The following CHRNB4 variants were observed in gnomAD, a reference collection of about 807,000 sequenced individuals.
CHRNB4 encodes the protein neuronal acetylcholine receptor subunit beta-4.
In CHRNB4, 23 loss-of-function variants were observed where a neutral mutation model predicts 40.4. The ratio of observed to expected loss-of-function variants is 0.57; its 90% CI spans 0.41 to 0.81. The LOEUF (loss-of-function observed/expected upper bound fraction) is 0.81, where lower values mean the gene tolerates loss of function less well. Ranked by LOEUF, CHRNB4 falls within the 30% of genes least tolerant of loss-of-function variation. The pLI is 0.00. For synonymous variants in CHRNB4, 285 were observed against 274.4 expected, an observed-to-expected ratio of 1.04 and a Z score of -0.38; for missense variants, 568 against 670.6, an observed-to-expected ratio of 0.85 and a Z score of 1.69.
intron 1 of CHRNB4, among the ~76,000 whole-genome samples, chr15:78,640,216 C>T (rs928567972): frequency 6.6e-6 from 1 of 152,158 alleles, no homozygotes; most frequent in Non-Finnish European, 1.5e-5. Flanking sequence ...AAGAGGTAGC[C>T]CTGGTCCTCT....
At position 78,631,162 on chromosome 15, in the gene CHRNB4, G is replaced by C. The variant is rs1596103910; in HGVS notation, c.273C>G (p.Thr91=). ...LKQEWTDYRL[T]WNSSRYEGVN... is the part of the protein sequence containing the mutation. ...CACCCTCGTAGCGGGAGCTGTTCCA[G>C]GTCAGGCGGTAATCAGTCCATTCCT... The change falls in exon 4 of 6, where the codon ACC becomes ACG. Residue 91 remains threonine, a synonymous_variant. Transcript: ENST00000261751. 2 of 1,614,228 alleles carry C rather than the reference G, an allele frequency of 1.2e-6. No homozygotes were observed. Among genetic ancestry groups the C allele is most frequent in the East Asian group, 4.5e-5 (2 of 44,878 alleles).
At chr15:78,635,648 G>C in intron 1 of CHRNB4, 61 bp from the exon 2 acceptor site, 1 of 1,599,254 alleles carries the variant, frequency 6.3e-7, no homozygotes, top group Non-Finnish European at 8.5e-7. Context: ...ACTGCAGCCT[G>C]TGGCAGCAGG....
At chr15:78,651,035 G>A (rs371423441) in intron 6 of CHRNB4, among the ~76,000 whole-genome samples, 4 of 152,058 alleles carry the variant, frequency 2.6e-5, no homozygotes, top group African/African-American at 4.8e-5. Flanking sequence ...ACCTTTTCTC[G>A]GGCATTGGCA....
chr15:78,653,036 C>G (rs959678267), intron 5 of CHRNB4, among the ~76,000 whole-genome samples: 9 of 152,124 alleles, frequency 5.9e-5, no homozygotes, highest in African/African-American at 9.7e-5. Context: ...GTTGTCACCC[C>G]GCTCATAGGG....
At chr15:78,628,865 A>G in intron 5 of CHRNB4, 102 bp downstream of exon 5, 2 of 1,415,490 alleles carry the variant, frequency 1.4e-6, no homozygotes, top group South Asian at 1.4e-5. Context: ...AGAGTTTGAG[A>G]GTCCTTGTCT....
chr15:78,654,948 C>T (rs1316795767), intron 5 of CHRNB4, among the ~76,000 whole-genome samples: 2 of 152,056 alleles, frequency 1.3e-5, no homozygotes, highest in East Asian at 1.9e-4. Context: ...TTAAGAGTTT[C>T]CCCCCACCCC....
At chr15:78,635,646 C>T in intron 1 of CHRNB4, 59 bp from the exon 2 acceptor site, 1 of 1,602,316 alleles carries the variant, frequency 6.2e-7, no homozygotes, top group Non-Finnish European at 8.5e-7. Flanking sequence ...CCACTGCAGC[C>T]TGTGGCAGCA....
intron 1 of CHRNB4, among the ~76,000 whole-genome samples, chr15:78,658,742 G>T (rs551794238): frequency 6.6e-6 from 1 of 151,900 alleles, no homozygotes; most frequent in East Asian, 1.9e-4. Flanking sequence ...TGAAGAGGGG[G>T]AAAAAAAAGC....
At position 78,629,284 on chromosome 15, in the gene CHRNB4, G is replaced by T; in HGVS notation, c.1021C>A (p.Leu341Met). Residue 341 changes from leucine to methionine, a missense_variant, in exon 5 of 6, where the codon CTG (leucine) becomes ATG (methionine). By Grantham distance (15) the Leu-to-Met change is conservative. This residue lies in a region of CHRNB4 where 242 missense variants were observed against 274.9 expected (regional missense o/e 0.88). Transcript: ENST00000261751. The surrounding 1 kb of genome is among the most constrained non-coding windows in gnomAD (Gnocchi z 6.8). ...PWVKRCFLHK[L>M]PTFLFMKRPG... ...CGCTTCATGAAGAGGAAGGTAGGCA[G>T]CTTGTGCAGGAAGCAGCGCTTGACC... is the stretch of plus-strand genomic sequence containing the variant. The T allele has an allele frequency of 6.2e-7, 1 of 1,613,598 alleles. No homozygotes were observed. Among genetic ancestry groups the T allele is most frequent in the Non-Finnish European group, 8.5e-7 (1 of 1,179,656 alleles).
At chr15:78,641,618 G>A (rs1462001695), upstream of CHRNB4, among the ~76,000 whole-genome samples, 5 of 152,214 alleles carry the variant, frequency 3.3e-5, no homozygotes, top group Non-Finnish European at 7.3e-5. Context: ...TGAAAGAAAG[G>A]ACACTGCTGG....
chr15:78,654,093 C>T (rs2054193672), intron 5 of CHRNB4, among the ~76,000 whole-genome samples: 1 of 152,148 alleles, frequency 6.6e-6, no homozygotes, highest in African/African-American at 2.4e-5. Context: ...AGCATAAAGA[C>T]CCAGATCTGT....
At chr15:78,640,329 C>T (rs1282277413) in intron 1 of CHRNB4, among the ~76,000 whole-genome samples, 3 of 152,340 alleles carry the variant, frequency 2.0e-5, no homozygotes, top group East Asian at 1.9e-4. Flanking sequence ...GCAGTCCTCA[C>T]ATTTGCATTC....
chr15:78,628,579 G>C lies in CHRNB4; in HGVS notation c.1338+388C>G, dbSNP rs577213547. Among the ~76,000 whole-genome samples the C allele has an allele frequency of 1.1e-4, 16 of 152,298 alleles. No homozygotes were observed. In the South Asian group the frequency reaches 3.3e-3, roughly 32 times the overall value. ...TTCCAGGGGGGTGATCCTGAGGCTT[G>C]TTCCCACGGGTCTGCAAGGGTACTG... On this transcript the variant is annotated intron_variant, in intron 5 of 5. Transcript: ENST00000261751.
chr15:78,640,975 T>C, intron 1 of CHRNB4, 104 bp downstream of exon 1: 1 of 1,303,430 alleles, frequency 7.7e-7, no homozygotes, highest in Non-Finnish European at 1.1e-6. Flanking sequence ...CTCGGGCCAC[T>C]CCCCCGGGCG....
chr15:78,660,175 C>T (rs1400082792), intron 1 of CHRNB4, among the ~76,000 whole-genome samples: 1 of 150,498 alleles, frequency 6.6e-6, no homozygotes, highest in African/African-American at 2.4e-5. Flanking sequence ...CCACTGCACT[C>T]CAGCCTGAGC....
At chr15:78,636,315 C>T (rs184373935) in intron 1 of CHRNB4, among the ~76,000 whole-genome samples, 51 of 152,234 alleles carry the variant, frequency 3.4e-4, no homozygotes, top group Admixed American at 1.9e-3. Flanking sequence ...TCTCTCCACC[C>T]GCAGTCTCTC....
chr15:78,641,358 C>T (rs889447684), upstream of CHRNB4: 2 of 465,664 alleles, frequency 4.3e-6, no homozygotes, highest in South Asian at 3.9e-5. Context: ...ACCCCACCTG[C>T]CGCCTGGCTT....
intron 2 of CHRNB4, among the ~76,000 whole-genome samples, chr15:78,631,624 T>C (rs2053813402): frequency 6.6e-6 from 1 of 152,214 alleles, no homozygotes; most frequent in Non-Finnish European, 1.5e-5. Context: ...TGCTCTCTGA[T>C]CCATCAATAA....
chr15:78,625,075 A>G lies in CHRNB4; in HGVS notation c.*58T>C. On this transcript the variant is annotated 3_prime_UTR_variant, in exon 6 of 6. Transcript: ENST00000261751. ...CCTCATCAGCCACAACCCAGAAAGA[A>G]GCAGCAAAGTGCCCACCCGGCCACT... is the stretch of plus-strand genomic sequence containing the variant. The G allele has an allele frequency of 6.2e-7, 1 of 1,612,156 alleles. No homozygotes were observed. The highest frequency in any genetic ancestry group is 8.5e-7 in the Non-Finnish European group (1 of 1,179,788).
Sources: allele counts gnomAD v4.1 joint callset (sites outside exome capture counted in the v4.1 genomes callset), GRCh38; gene constraint gnomAD v4.1.1; regional missense constraint gnomAD v4.1.1; non-coding constraint Gnocchi (gnomAD v3.1); transcripts MANE v1.5; gene names NCBI Gene and HGNC (gene_info 2026-07-23, HGNC 2026-07-21).